STS: variants seen among roughly 807,000 people sequenced by gnomAD.
STS encodes the protein steryl-sulfatase.
In STS, 7 loss-of-function variants were observed where a neutral mutation model predicts 26.8. The observed-to-expected ratio is 0.26, with a 90% CI of 0.15 to 0.49. The LOEUF is 0.49. Ranked by LOEUF, STS falls within the 20% of genes least tolerant of loss-of-function variation. The pLI is 0.98. For missense variants in STS, 434 were observed against 465.6 expected (o/e 0.93, Z 0.63); for synonymous variants, 199 against 189.4 (o/e 1.05, Z -0.42).
intron 2 of STS, among the ~76,000 whole-genome samples, chrX:7,223,157 C>T (rs1363740029): frequency 5.4e-5 from 6 of 111,641 alleles, no homozygotes; most frequent in African/African-American, 1.6e-4. Context: ...TGTTGATGGA[C>T]ACTTAGGTTG....
At chrX:7,254,645 G>C (rs745922265) in intron 3 of STS, among the ~76,000 whole-genome samples, 1 of 95,902 alleles carries the variant, frequency 1.0e-5, no homozygotes, top group African/African-American at 4.0e-5. Context: ...GTGGTGGCAC[G>C]ATCTCGGGGA....
In STS at chrX:7,257,582, C is replaced by T; in HGVS notation, c.376C>T (p.Leu126=). ...LLKDQGYSTA[L]IGKWHLGMSC... ...GAAGGATCAAGGTTATTCAACAGCACTGATAGGTATGGACATCTATGGGAT... is the reference window on the plus strand; with the variant it reads ...GAAGGATCAAGGTTATTCAACAGCATTGATAGGTATGGACATCTATGGGAT... The change falls in exon 5 of 11, where the codon CTG becomes TTG. Residue 126 remains leucine (L), a synonymous_variant. Transcript: ENST00000674429. 8.3e-7 allele frequency: 1 copy of T among 1,211,671 alleles called. No homozygotes were observed. Among genetic ancestry groups the T allele is most frequent in the Non-Finnish European group, 1.1e-6 (1 of 895,412 alleles).
chrX:7,332,605 C>A (rs1927810594), intron 9 of STS, among the ~76,000 whole-genome samples: 1 of 111,013 alleles, frequency 9.0e-6, no homozygotes, highest in South Asian at 3.8e-4. Flanking sequence ...CCACTGGGGG[C>A]TTTTCCTGGT....
chrX:7,167,331 T>A (rs1007809756), intron 1 of STS, among the ~76,000 whole-genome samples: 2 of 111,611 alleles, frequency 1.8e-5, no homozygotes, highest in Admixed American at 1.9e-4. Context: ...CTCTTCTGTC[T>A]CAGACTCCCA....
intron 1 of STS, among the ~76,000 whole-genome samples, chrX:7,190,266 G>A (rs1168627670): frequency 3.6e-5 from 4 of 109,743 alleles, no homozygotes; most frequent in Admixed American, 9.9e-5. Flanking sequence ...CATGAGGAGT[G>A]TGCAACCTAG....
chrX:7,204,547 C>A (rs1053809561), intron 2 of STS, among the ~76,000 whole-genome samples: 1 of 86,980 alleles, frequency 1.1e-5, no homozygotes, highest in Non-Finnish European at 2.3e-5. Flanking sequence ...CTCCTTTCCT[C>A]CCTTCCTTCC....
intron 1 of STS, among the ~76,000 whole-genome samples, chrX:7,171,294 T>C (rs1165038993): frequency 9.0e-6 from 1 of 110,686 alleles, no homozygotes; most frequent in East Asian, 2.9e-4. Context: ...CAGAAGAAAA[T>C]AGGATCTATG....
intron 2 of STS, among the ~76,000 whole-genome samples, chrX:7,234,120 G>C (rs1156368124): frequency 9.0e-6 from 1 of 111,555 alleles, no homozygotes; most frequent in African/African-American, 3.3e-5. Flanking sequence ...CATAACCCCT[G>C]GTTACCAAAT....
chrX:7,330,465 T>C (rs764303644), intron 9 of STS, among the ~76,000 whole-genome samples: 4 of 112,316 alleles, frequency 3.6e-5, no homozygotes, highest in African/African-American at 9.7e-5. Flanking sequence ...AAGAATCAAA[T>C]TTTAGAGGTG....
intron 1 of STS, among the ~76,000 whole-genome samples, chrX:7,177,834 G>T (rs1352136655): frequency 9.2e-6 from 1 of 109,231 alleles, no homozygotes; most frequent in Admixed American, 9.8e-5. Flanking sequence ...TATTTTTAAA[G>T]GCAAGGTCTC....
At chrX:7,282,726 T>C (rs1335809337) in intron 7 of STS, among the ~76,000 whole-genome samples, 1 of 112,292 alleles carries the variant, frequency 8.9e-6, no homozygotes, top group Non-Finnish European at 1.9e-5. Context: ...ATAGACCAGG[T>C]ACACATTAGG....
intron 6 of STS, among the ~76,000 whole-genome samples, chrX:7,272,369 T>G (rs1182914793): frequency 9.1e-6 from 1 of 110,161 alleles, no homozygotes; most frequent in African/African-American, 3.3e-5. Context: ...ATAAACCATG[T>G]CCCGTCAAAG....
intron 8 of STS, among the ~76,000 whole-genome samples, chrX:7,323,464 G>C (rs758698856): frequency 9.0e-6 from 1 of 111,383 alleles, no homozygotes; most frequent in African/African-American, 3.3e-5. Context: ...TTATAAGTAA[G>C]AACATGCAGT....
At chrX:7,236,520 C>T (rs765124699) in intron 2 of STS, among the ~76,000 whole-genome samples, 40 of 112,175 alleles carry the variant, frequency 3.6e-4, no homozygotes, top group Non-Finnish European at 4.9e-4. Context: ...AGTTTTGTAA[C>T]CCCTATGCCA....
At chrX:7,177,696 G>T (rs991123236) in intron 1 of STS, among the ~76,000 whole-genome samples, 2 of 109,869 alleles carry the variant, frequency 1.8e-5, no homozygotes, top group Non-Finnish European at 3.8e-5. Context: ...TATTTTTTTG[G>T]TAGAGACAGG....
intron 6 of STS, among the ~76,000 whole-genome samples, chrX:7,264,496 G>T (rs1216790890): frequency 4.5e-5 from 5 of 112,142 alleles, no homozygotes; most frequent in Non-Finnish European, 7.5e-5. Context: ...TGCTAGCCTA[G>T]TGTATGGTGG....
intron 2 of STS, among the ~76,000 whole-genome samples, chrX:7,237,877 CTCTG>C (rs774963268): frequency 9.0e-6 from 1 of 111,460 alleles, no homozygotes; most frequent in Non-Finnish European, 1.9e-5. Flanking sequence ...TGTTATTCCA[CTCTG>C]TCTGTCTGTG....
intron 6 of STS, 69 bp downstream of exon 6, chrX:7,259,841 A>G: frequency 1.8e-6 from 2 of 1,135,011 alleles, no homozygotes; most frequent in Non-Finnish European, 2.4e-6. Context: ...GTGGAGGTGG[A>G]AGAACCAACA....
chrX:7,256,420 C>T (rs1200837685), intron 3 of STS, among the ~76,000 whole-genome samples: 1 of 111,471 alleles, frequency 9.0e-6, no homozygotes, highest in African/African-American at 3.3e-5. Flanking sequence ...TTCCCTGGAG[C>T]GTATTAACCC....
Sources: allele counts gnomAD v4.1 joint callset (sites outside exome capture counted in the v4.1 genomes callset), GRCh38; gene constraint gnomAD v4.1.1; transcripts MANE v1.5; gene names NCBI Gene and HGNC (gene_info 2026-07-23, HGNC 2026-07-21).